PLAA: variants seen among roughly 807,000 people sequenced by gnomAD.
The protein encoded by PLAA is phospholipase A-2-activating protein.
In PLAA, 48 loss-of-function variants were observed where a neutral mutation model predicts 84.1. That is an observed-to-expected ratio of 0.57 (90% CI 0.45 to 0.73). PLAA has a LOEUF of 0.73. PLAA is among the 30% of genes least tolerant of loss of function. The pLI, the probability that PLAA is intolerant of heterozygous loss-of-function variation, is 0.00. For missense variants in PLAA, 903 were observed against 954.7 expected, an observed-to-expected ratio of 0.95 and a Z score of 0.71; for synonymous variants, 392 against 336.6, an observed-to-expected ratio of 1.16 and a Z score of -1.80.
chr9:26,920,517 A>T (rs1399457315), intron 7 of PLAA, 133 bp from the exon 8 acceptor site: 2 of 540,368 alleles, frequency 3.7e-6, no homozygotes, highest in Non-Finnish European at 6.2e-6. Context: ...AAATTGTATC[A>T]AATAAAAGAT....
Position 26,946,967 on chromosome 9 carries a change from A to T in PLAA, c.79T>A (p.Cys27Ser). 1 of 1,591,242 alleles carries T rather than the reference A, an allele frequency of 6.3e-7. No homozygotes were observed. The highest frequency in any genetic ancestry group is 8.6e-7 in the Non-Finnish European group (1 of 1,169,148). The change falls in exon 1 of 14, where the codon TGC (cysteine) becomes AGC (serine). Residue 27 changes from cysteine to serine, a missense_variant. Physicochemically the swap from Cys to Ser is moderately radical, Grantham distance 112 (BLOSUM62 -1). Coordinates refer to ENST00000397292, the MANE Select transcript of PLAA (RefSeq NM_001031689.3). Reference sequence around the variant, plus strand: ...ACAAAGGCTCCCGGCGGATAGGCGCAGCACACCAGGCCCCGTACGTCCAGC... The same window carrying T: ...ACAAAGGCTCCCGGCGGATAGGCGCTGCACACCAGGCCCCGTACGTCCAGC... ...HELDVRGLVC[C>S]AYPPGAFVSV... is the part of the protein sequence containing the mutation.
chr9:26,925,123 C>T (rs1286767136), intron 6 of PLAA, among the ~76,000 whole-genome samples: 2 of 152,200 alleles, frequency 1.3e-5, no homozygotes, highest in African/African-American at 2.4e-5. Flanking sequence ...TACCCATTAG[C>T]ATTGTGGGGC....
rs1054907954 is a variant in PLAA, at chr9:26,920,271, C to G, written c.1153G>C (p.Gly385Arg). 1.9e-6 allele frequency: 3 copies of G among 1,613,740 alleles called. No homozygotes were observed. Among genetic ancestry groups the G allele is most frequent in the Admixed American group, 3.3e-5 (2 of 59,978 alleles). ...TTTCCAGATGTTTGCTGATTAGCAC[C>G]AGATGAGCCAACAACATCACCAATT... ...IKIGDVVGSS[G>R]ANQQTSGKVL... The change falls in exon 8 of 14, where the codon GGT (glycine) becomes CGT (arginine). Residue 385 changes from glycine (G) to arginine (R), a missense_variant. Transcript: ENST00000397292.
At chr9:26,930,627 G>C (rs1255033678) in intron 2 of PLAA, among the ~76,000 whole-genome samples, 1 of 149,820 alleles carries the variant, frequency 6.7e-6, no homozygotes, top group Admixed American at 6.7e-5. Flanking sequence ...TTGTTGCCCA[G>C]GCTGGAGTGC....
At position 26,928,136 on chromosome 9, in the gene PLAA, G is replaced by A. The variant is rs2131397031; in HGVS notation, c.529C>T (p.Leu177=). The change falls in exon 4 of 14, where the codon CTG becomes TTG. Residue 177 remains leucine, a synonymous_variant. Transcript: ENST00000397292. The stretch of plus-strand genomic sequence containing the variant: ...CTCTCACATCTTCCAGCCTTCCACA[G>A]TTTAACAGTCTTGTCTGCTGATCCA... ...LTGSADKTVK[L]WKAGRCERTF... is the part of the protein sequence containing the mutation. 1 of 1,614,154 alleles carries A rather than the reference G, an allele frequency of 6.2e-7. No homozygotes were observed. The highest frequency in any genetic ancestry group is 8.5e-7 in the Non-Finnish European group (1 of 1,180,036).
chr9:26,925,056 T>C (rs1824896438), intron 6 of PLAA, among the ~76,000 whole-genome samples: 2 of 152,234 alleles, frequency 1.3e-5, no homozygotes. Flanking sequence ...CTTTATCCTT[T>C]TCTTTCATAC....
chr9:26,908,700 C>G (rs1824312021), intron 12 of PLAA, among the ~76,000 whole-genome samples: 1 of 151,750 alleles, frequency 6.6e-6, no homozygotes, highest in Non-Finnish European at 1.5e-5. Flanking sequence ...TGAAAAACTC[C>G]TGACCTCAAG....
chr9:26,909,678 T>C (rs145744438), intron 12 of PLAA, among the ~76,000 whole-genome samples: 29 of 151,700 alleles, frequency 1.9e-4, no homozygotes, highest in African/African-American at 6.5e-4. Context: ...TGGAGTGCAG[T>C]GGCGCGATCT....
chr9:26,909,999 G>T (rs1224524845), intron 12 of PLAA, among the ~76,000 whole-genome samples: 1 of 152,134 alleles, frequency 6.6e-6, no homozygotes, highest in African/African-American at 2.4e-5. Flanking sequence ...TTAAAGATAA[G>T]ATCTTAATTT....
intron 1 of PLAA, among the ~76,000 whole-genome samples, chr9:26,936,477 T>A (rs1242797384): frequency 6.6e-6 from 1 of 152,180 alleles, no homozygotes; most frequent in Non-Finnish European, 1.5e-5. Flanking sequence ...CTGTCTGATG[T>A]AACTATTATG....
intron 1 of PLAA, among the ~76,000 whole-genome samples, chr9:26,937,731 T>C (rs1189808218): frequency 6.6e-6 from 1 of 152,006 alleles, no homozygotes; most frequent in Non-Finnish European, 1.5e-5. Context: ...AAAGAAATTA[T>C]GAAGATGAAA....
chr9:26,926,890 TATA>T (rs1824986436), intron 4 of PLAA, among the ~76,000 whole-genome samples: 1 of 151,656 alleles, frequency 6.6e-6, no homozygotes, highest in African/African-American at 2.4e-5. Flanking sequence ...TTATAAAATA[TATA>T]ATATTCAAAT....
chr9:26,934,629 A>G (rs1241205807), intron 2 of PLAA, among the ~76,000 whole-genome samples: 3 of 151,974 alleles, frequency 2.0e-5, no homozygotes, highest in Admixed American at 2.0e-4. Flanking sequence ...ACTGGTGGGC[A>G]TCACCACACC....
At position 26,947,222 on chromosome 9, in the gene PLAA, G is replaced by T. The variant is rs1446299627; in HGVS notation, c.-177C>A. 1.2e-5 allele frequency: 8 copies of T among 664,106 alleles called. No individual in the cohort carries two copies. The East Asian group carries it at 1.9e-4, about 16-fold the overall frequency. 41.1% of individuals were successfully genotyped at this position (664,106 alleles called of 1,614,324 possible). A position where few individuals can be genotyped will look rare whatever the true frequency, so the allele number is the denominator to read the frequency against. ...GGCTGGGAAGGGGCGCGCCGAGCGG[G>T]CCGAGTGACACAGCAAGCCTGACAG... On this transcript the variant is annotated 5_prime_UTR_variant, in exon 1 of 14. Transcript: ENST00000397292.
Position 26,905,507 on chromosome 9 carries a change from A to C in PLAA, c.*4T>G, listed in dbSNP as rs998901017. 11 of 1,594,670 alleles carry C rather than the reference A, an allele frequency of 6.9e-6. No individual in the cohort carries two copies. Among genetic ancestry groups the C allele is most frequent in the Middle Eastern group, 3.3e-4 (2 of 5,972 alleles). ...TTAAAAATATCCGTCCCTCTTCCCC[A>C]CTGCTACAGCAAATTTAGGATAAAT... On this transcript the variant is annotated 3_prime_UTR_variant, in exon 14 of 14. Coordinates refer to ENST00000397292, the MANE Select transcript of PLAA (RefSeq NM_001031689.3).
chr9:26,945,301 C>G (rs1316020305), intron 1 of PLAA, among the ~76,000 whole-genome samples: 1 of 152,276 alleles, frequency 6.6e-6, no homozygotes, highest in African/African-American at 2.4e-5. Flanking sequence ...TTAAAACAGG[C>G]ATCCTTGATT....
intron 2 of PLAA, among the ~76,000 whole-genome samples, chr9:26,933,040 TG>T (rs1293665664): frequency 6.6e-6 from 1 of 151,766 alleles, no homozygotes; most frequent in Non-Finnish European, 1.5e-5. Flanking sequence ...GAAGTCAAGT[TG>T]GGCAGATCAC....
intron 1 of PLAA, among the ~76,000 whole-genome samples, chr9:26,945,819 G>A (rs900410205): frequency 1.3e-5 from 2 of 152,066 alleles, no homozygotes; most frequent in African/African-American, 2.4e-5. Context: ...GCTCTTCCAC[G>A]ACCAGCTCCA....
At chr9:26,933,687 G>T (rs1330360340) in intron 2 of PLAA, among the ~76,000 whole-genome samples, 2 of 150,586 alleles carry the variant, frequency 1.3e-5, no homozygotes, top group Admixed American at 1.3e-4. Flanking sequence ...TACTCGGCAG[G>T]CTGAGGCAGG....
Sources: allele counts gnomAD v4.1 joint callset (sites outside exome capture counted in the v4.1 genomes callset), GRCh38; gene constraint gnomAD v4.1.1; transcripts MANE v1.5; gene names NCBI Gene and HGNC (gene_info 2026-07-23, HGNC 2026-07-21).